Variants in CATSPERB observed in about 807,000 individuals in gnomAD.
The protein encoded by CATSPERB is cation channel sperm-associated auxiliary subunit beta.
CATSPERB carries 93 observed loss-of-function variants against 128.3 expected under a neutral mutation model. That is an observed-to-expected ratio of 0.72 (90% CI 0.61 to 0.86). The LOEUF is 0.86. CATSPERB is among the 40% of genes least tolerant of loss of function. The pLI is 0.00. For synonymous variants in CATSPERB, 381 were observed against 448.8 expected, an observed-to-expected ratio of 0.85 and a Z score of 1.91; for missense variants, 1,153 against 1,329.5, an observed-to-expected ratio of 0.87 and a Z score of 2.06.
At chr14:91,711,845 A>G (rs1895845246) in intron 5 of CATSPERB, among the ~76,000 whole-genome samples, 1 of 152,242 alleles carries the variant, frequency 6.6e-6, no homozygotes, top group Non-Finnish European at 1.5e-5. Context: ...ATTTTAATAA[A>G]TTAAATTGCT....
chr14:91,671,936 C>T (rs537612955), intron 13 of CATSPERB, among the ~76,000 whole-genome samples: 259 of 150,980 alleles, frequency 1.7e-3, no homozygotes, highest in African/African-American at 6.0e-3. Flanking sequence ...AGGAGAATGG[C>T]GTGAACCCGG....
chr14:91,724,408 A>C (rs1896086497), intron 3 of CATSPERB, among the ~76,000 whole-genome samples: 1 of 152,186 alleles, frequency 6.6e-6, no homozygotes, highest in South Asian at 2.1e-4. Context: ...TGTATATACA[A>C]AGCTTAAATA....
At chr14:91,633,663 C>A (rs771160805) in intron 17 of CATSPERB, among the ~76,000 whole-genome samples, 1 of 151,704 alleles carries the variant, frequency 6.6e-6, no homozygotes. Flanking sequence ...TAATTTACAA[C>A]GTTAAATAAA....
chr14:91,608,330 G>C lies in CATSPERB; in HGVS notation c.2673C>G (p.Ser891Arg). 1 of 1,612,060 alleles carries C rather than the reference G, an allele frequency of 6.2e-7. No individual in the cohort carries two copies. The highest frequency in any genetic ancestry group is 8.5e-7 in the Non-Finnish European group (1 of 1,178,374). ...GAAACATGTTTCTTGGTATGGGTTT[G>C]CTAGGATCTGCATGATAAAAATTAT... ...LTDNFYHADPSKPIPRNMFHM... is the reference protein window; with the variant it reads ...LTDNFYHADPRKPIPRNMFHM... The change falls in exon 22 of 27, where the codon AGC becomes AGG. Residue 891 changes from serine to arginine, a missense_variant. Transcript: ENST00000256343.
intron 19 of CATSPERB, among the ~76,000 whole-genome samples, chr14:91,619,545 C>CT (rs139548621): frequency 0.11 from 3,068 of 27,178 alleles, 88 homozygotes; most frequent in African/African-American, 0.16. Flanking sequence ...TCAAATAAGC[C>CT]TTTTTTTTAA....
At chr14:91,686,255 T>C in intron 10 of CATSPERB, among the ~76,000 whole-genome samples, 1 of 152,234 alleles carries the variant, frequency 6.6e-6, no homozygotes, top group African/African-American at 2.4e-5. Flanking sequence ...GCCCCCTCAG[T>C]TGAATGTTAA....
At chr14:91,725,861 T>G (rs898432730) in intron 2 of CATSPERB, among the ~76,000 whole-genome samples, 3 of 152,180 alleles carry the variant, frequency 2.0e-5, no homozygotes, top group Admixed American at 1.3e-4. Flanking sequence ...AGTTGCCTTT[T>G]GGCCCACCAT....
At position 91,659,962 on chromosome 14, in the gene CATSPERB, C is replaced by T; in HGVS notation, c.1307G>A (p.Gly436Asp). ...AGCTATTAATTGAAAGGTGTTGCCG[C>T]CATCAACTGAAAGCCATATCTAAAG... is the stretch of plus-strand genomic sequence containing the variant. ...YGNQIWLSVD[G>D]GNTFQLIANF... Residue 436 changes from glycine to aspartate, a missense_variant, in exon 15 of 27, where the codon GGC (glycine) becomes GAC (aspartate). Physicochemically the swap from Gly to Asp is moderately conservative, Grantham distance 94. Coordinates refer to ENST00000256343, the MANE Select transcript of CATSPERB (RefSeq NM_024764.4). 2 of 1,583,600 alleles carry T rather than the reference C, an allele frequency of 1.3e-6. No individual in the cohort carries two copies. The highest frequency in any genetic ancestry group is 1.7e-6 in the Non-Finnish European group (2 of 1,170,382).
intron 9 of CATSPERB, 59 bp from the exon 10 acceptor site, chr14:91,691,614 T>C: frequency 7.7e-7 from 1 of 1,293,502 alleles, no homozygotes; most frequent in Non-Finnish European, 1.1e-6. Flanking sequence ...TAACAAAACA[T>C]AGCAATTTAA....
intron 15 of CATSPERB, 152 bp from the exon 16 acceptor site, chr14:91,639,402 G>C: frequency 1.6e-6 from 1 of 644,708 alleles, no homozygotes; most frequent in South Asian, 2.1e-5. Context: ...GTTAGTTTTT[G>C]TTAAGTCCCT....
chr14:91,728,994 T>C (rs1896165075), intron 2 of CATSPERB, among the ~76,000 whole-genome samples: 1 of 152,182 alleles, frequency 6.6e-6, no homozygotes, highest in African/African-American at 2.4e-5. Context: ...CTTTCAGAAA[T>C]AAGCAATTTG....
At chr14:91,624,716 A>C in intron 18 of CATSPERB, 104 bp downstream of exon 18, 1 of 833,176 alleles carries the variant, frequency 1.2e-6, no homozygotes, top group Non-Finnish European at 1.7e-6. Context: ...TTGGACTAAA[A>C]TTTGAAATCT....
Position 91,708,194 on chromosome 14 carries a change from T to C in CATSPERB, c.413A>G (p.His138Arg), listed in dbSNP as rs1306739395. The C allele has an allele frequency of 6.2e-7, 1 of 1,611,786 alleles. No individual in the cohort carries two copies. The highest frequency in any genetic ancestry group is 8.5e-7 in the Non-Finnish European group (1 of 1,178,748). Residue 138 changes from histidine to arginine, a missense_variant, in exon 6 of 27, where the codon CAT becomes CGT. His to Arg is a conservative substitution (Grantham distance 29). Coordinates refer to ENST00000256343, the MANE Select transcript of CATSPERB (RefSeq NM_024764.4). Reference sequence around the variant, plus strand: ...AGTAGCATAAATATTTAGTCCATGATGTAAAGTGATTCTTACTAACCATTC... The same window carrying C: ...AGTAGCATAAATATTTAGTCCATGACGTAAAGTGATTCTTACTAACCATTC... ...VEEWLVRITL[H>R]HGLNIYATEG...
At chr14:91,706,248 T>C (rs1361595747) in intron 6 of CATSPERB, among the ~76,000 whole-genome samples, 7 of 152,020 alleles carry the variant, frequency 4.6e-5, no homozygotes, top group Non-Finnish European at 1.0e-4. Flanking sequence ...AGAGACACAA[T>C]CTCTAACTAC....
chr14:91,718,541 C>T (rs1895979440), intron 5 of CATSPERB, among the ~76,000 whole-genome samples: 1 of 152,082 alleles, frequency 6.6e-6, no homozygotes, highest in African/African-American at 2.4e-5. Flanking sequence ...AACAATGGGT[C>T]AACTGAAGAT....
At chr14:91,704,372 T>C (rs1895701901) in intron 7 of CATSPERB, among the ~76,000 whole-genome samples, 180 bp downstream of exon 7, 1 of 152,206 alleles carries the variant, frequency 6.6e-6, no homozygotes. Flanking sequence ...TAAGAAAACA[T>C]ACTTAGTATA....
Position 91,704,622 on chromosome 14 carries a change from G to A in CATSPERB, c.546C>T (p.Leu182=). 1 of 1,613,638 alleles carries A rather than the reference G, an allele frequency of 6.2e-7. No homozygotes were observed. The part of the protein sequence containing the change: ...ISKLYPHVVD[L]KVTKCPCAND... ...TGGCACAGGGGCATTTTGTCACTTT[G>A]AGATCTACCACATGTGGATATAATT... The change falls in exon 7 of 27, where the codon CTC becomes CTT. Residue 182 remains leucine, a synonymous_variant. Transcript: ENST00000256343.
At chr14:91,672,022 A>AAC (rs1555363050) in intron 13 of CATSPERB, among the ~76,000 whole-genome samples, 27 of 150,026 alleles carry the variant, frequency 1.8e-4, no homozygotes, top group Non-Finnish European at 2.8e-4. Context: ...TCTGTCTCAA[A>AAC]AACAACAACA....
At chr14:91,587,388 T>C (rs1313939216) in intron 25 of CATSPERB, 112 bp from the exon 26 acceptor site, 1 of 593,500 alleles carries the variant, frequency 1.7e-6, no homozygotes. Context: ...CATGAAAAGA[T>C]TCCCATCCTC....
Sources: allele counts gnomAD v4.1 joint callset (sites outside exome capture counted in the v4.1 genomes callset), GRCh38; gene constraint gnomAD v4.1.1; transcripts MANE v1.5; gene names NCBI Gene and HGNC (gene_info 2026-07-23, HGNC 2026-07-21).